ADGRD1: variants seen among roughly 807,000 people sequenced by gnomAD.
ADGRD1 encodes the protein adhesion G protein-coupled receptor D1.
In ADGRD1, 77 loss-of-function variants were observed where a neutral mutation model predicts 113.4. That is an observed-to-expected ratio of 0.68 (90% CI 0.57 to 0.82). The LOEUF (loss-of-function observed/expected upper bound fraction) is 0.82, where lower values mean the gene tolerates loss of function less well. Ranked by LOEUF, ADGRD1 falls within the 40% of genes least tolerant of loss-of-function variation. ADGRD1 has a pLI of 0.00. For synonymous variants in ADGRD1, 474 were observed against 475.0 expected (o/e 1.00, Z 0.03); for missense variants, 1,036 against 1,139.1 (o/e 0.91, Z 1.30).
intron 13 of ADGRD1, among the ~76,000 whole-genome samples, chr12:131,048,759 C>T (rs955371667): frequency 7.2e-5 from 11 of 152,190 alleles, no homozygotes; most frequent in Non-Finnish European, 8.8e-5. Context: ...TGGCGTGGCC[C>T]TCCTGTGCAC....
chr12:131,031,260 G>A (rs974990389), intron 13 of ADGRD1, among the ~76,000 whole-genome samples: 23 of 152,192 alleles, frequency 1.5e-4, no homozygotes, highest in Admixed American at 1.0e-3. Flanking sequence ...CTCACGTCTG[G>A]GGCAGCCTTG....
chr12:130,956,168 C>G (rs1466377459), intron 2 of ADGRD1, among the ~76,000 whole-genome samples: 2 of 152,210 alleles, frequency 1.3e-5, no homozygotes, highest in Non-Finnish European at 2.9e-5. Flanking sequence ...ACCCAGGCCT[C>G]CAGGGAGAGC....
chr12:131,076,819 G>A lies in ADGRD1; in HGVS notation c.1492G>A (p.Glu498Lys). ...KHRLTRKQHS[E>K]ATNSSNRVFV... is the part of the protein sequence containing the mutation. The stretch of plus-strand genomic sequence containing the variant: ...ATTTCAGACACGTAAGCAGCACAGT[G>A]AGGCCACCAACAGCAGCAACCGAGT... The change falls in exon 14 of 25, where the codon GAG (glutamate) becomes AAG (lysine). Residue 498 changes from glutamate to lysine, a missense_variant. Transcript: ENST00000261654. The A allele has an allele frequency of 6.2e-7, 1 of 1,614,128 alleles. No homozygotes were observed. The highest frequency in any genetic ancestry group is 1.7e-5 in the Admixed American group (1 of 60,020).
chr12:131,061,977 G>T (rs2137089832), intron 13 of ADGRD1, among the ~76,000 whole-genome samples: 1 of 152,180 alleles, frequency 6.6e-6, no homozygotes, highest in East Asian at 1.9e-4. Flanking sequence ...TGCTTAGTGT[G>T]GTATTTCATG....
chr12:131,064,555 TAGG>T (rs998942305), intron 13 of ADGRD1, among the ~76,000 whole-genome samples: 5 of 152,238 alleles, frequency 3.3e-5, no homozygotes, highest in African/African-American at 1.2e-4. Flanking sequence ...TTCTGTGTAT[TAGG>T]AGAATACTAT....
At chr12:131,017,711 C>T (rs1878777904) in intron 13 of ADGRD1, among the ~76,000 whole-genome samples, 1 of 150,198 alleles carries the variant, frequency 6.7e-6, no homozygotes. Context: ...ACCCAGTGCT[C>T]ACACACCCAG....
At chr12:131,077,628 T>TTC (rs1885736883) in intron 14 of ADGRD1, among the ~76,000 whole-genome samples, 2 of 151,930 alleles carry the variant, frequency 1.3e-5, no homozygotes, top group Non-Finnish European at 2.9e-5. Flanking sequence ...GGGTGGGGCC[T>TTC]CCGGATCCTC....
chr12:131,134,027 G>A (rs568997349), intron 21 of ADGRD1, among the ~76,000 whole-genome samples: 1 of 152,346 alleles, frequency 6.6e-6, no homozygotes, highest in African/African-American at 2.4e-5. Flanking sequence ...GGTCTGAGCA[G>A]GGGGAGAAGC....
Position 130,969,349 on chromosome 12 carries a change from A to G in ADGRD1, c.188-2109A>G, listed in dbSNP as rs1593270511. On this transcript the variant is annotated intron_variant, in intron 3 of 24. Transcript: ENST00000261654. Reference sequence around the variant, plus strand: ...TTAGGAACTGGGCTGCACAGCAGGAAGTGAGTGGTGGGTGAGTGAGTGAAG... The same window carrying G: ...TTAGGAACTGGGCTGCACAGCAGGAGGTGAGTGGTGGGTGAGTGAGTGAAG... 1.1e-5 allele frequency: 4 copies of G among 375,230 alleles called. No homozygotes were observed. In the East Asian group the frequency reaches 2.4e-4, roughly 23 times the overall value. The allele number at this position is 375,230 out of a possible 1,614,324, so 23.2% of individuals were successfully genotyped here. A position where few individuals can be genotyped will look rare whatever the true frequency, so the allele number is the denominator to read the frequency against.
intron 8 of ADGRD1, among the ~76,000 whole-genome samples, chr12:130,996,294 C>T (rs1875331231): frequency 6.8e-6 from 1 of 146,700 alleles, no homozygotes; most frequent in Non-Finnish European, 1.5e-5. Context: ...CTGTTGGGTA[C>T]ACCTCCCAGA....
intron 15 of ADGRD1, among the ~76,000 whole-genome samples, chr12:131,101,073 C>T (rs1171853415): frequency 6.6e-6 from 1 of 152,186 alleles, no homozygotes; most frequent in Non-Finnish European, 1.5e-5. Context: ...AATGCATCCT[C>T]AGGGCTTCCC....
At chr12:131,120,949 T>C (rs1460244528) in intron 20 of ADGRD1, 36 bp downstream of exon 20, 2 of 1,591,260 alleles carry the variant, frequency 1.3e-6, no homozygotes, top group African/African-American at 2.7e-5. Flanking sequence ...AGAGCGGGGC[T>C]GGGGAGGGGC....
intron 15 of ADGRD1, among the ~76,000 whole-genome samples, chr12:131,103,844 C>A (rs954572279): frequency 2.0e-5 from 3 of 152,176 alleles, no homozygotes; most frequent in African/African-American, 7.2e-5. Flanking sequence ...GGGCCTCTGA[C>A]AAGAGCCATG....
chr12:130,994,506 G>T (rs185825035), intron 8 of ADGRD1, among the ~76,000 whole-genome samples: 28 of 152,332 alleles, frequency 1.8e-4, no homozygotes, highest in African/African-American at 6.5e-4. Flanking sequence ...CTGGGCACGG[G>T]CGCCCTCCCG....
At chr12:131,120,968 AG>A in intron 20 of ADGRD1, 55 bp downstream of exon 20, 1 of 1,526,734 alleles carries the variant, frequency 6.5e-7, no homozygotes, top group Non-Finnish European at 9.0e-7. Context: ...GCAGGAGGAG[AG>A]GGTGTGGGGC....
chr12:131,094,582 G>GC (rs60898434), intron 15 of ADGRD1, among the ~76,000 whole-genome samples: 48,835 of 151,682 alleles, frequency 0.32, 9,296 homozygotes, highest in East Asian at 0.74. Context: ...GTTCAGCAGC[G>GC]CCCCCCCGAC....
intron 17 of ADGRD1, among the ~76,000 whole-genome samples, chr12:131,107,738 A>G (rs1950265551): frequency 6.6e-6 from 1 of 152,248 alleles, no homozygotes; most frequent in South Asian, 2.1e-4. Context: ...GGGGTTGCTG[A>G]GCCAACAAAA....
rs569877908 is a variant in ADGRD1, at chr12:131,041,269, G to A, written c.1473+26929G>A. Among the ~76,000 whole-genome samples the A allele has an allele frequency of 7.2e-5, 11 of 152,310 alleles. No individual in the cohort carries two copies. Among genetic ancestry groups the A allele is most frequent in the African/African-American group, 2.2e-4 (9 of 41,578 alleles). Reference sequence around the variant, plus strand: ...GGTTCTTGGATGATCTTGTGGAGCCGGAGGGTGTGGGTGGGGGATGTGGGT... The same window carrying A: ...GGTTCTTGGATGATCTTGTGGAGCCAGAGGGTGTGGGTGGGGGATGTGGGT... On this transcript the variant is annotated intron_variant, in intron 13 of 24. Coordinates refer to ENST00000261654, the MANE Select transcript of ADGRD1 (RefSeq NM_198827.5). This position sits in a 1 kb window ranked among gnomAD's most constrained non-coding sequence, Gnocchi z 4.4.
At chr12:131,038,267 G>T (rs917620735) in intron 13 of ADGRD1, among the ~76,000 whole-genome samples, 5 of 152,260 alleles carry the variant, frequency 3.3e-5, no homozygotes, top group Non-Finnish European at 7.3e-5. Flanking sequence ...ACATAGCCCA[G>T]TGTCTCCACA....
Sources: gnomAD v4.1 joint callset for allele counts (sites outside exome capture counted in the v4.1 genomes callset) on GRCh38, gnomAD v4.1.1 for gene constraint, Gnocchi (gnomAD v3.1) non-coding constraint, MANE v1.5 for transcripts, NCBI Gene and HGNC (gene_info 2026-07-23, HGNC 2026-07-21) for gene names.